Variants in RARS1 observed in about 807,000 individuals in gnomAD.
RARS1 encodes arginine--tRNA ligase, cytoplasmic.
RARS1 carries 75 observed loss-of-function variants against 78.7 expected under a neutral mutation model. The observed-to-expected ratio is 0.95, with a 90% confidence interval of 0.79 to 1.15. The LOEUF is 1.15. RARS1 is among the 50% of genes most tolerant of loss of function. The pLI is 0.00. For synonymous variants in RARS1, 273 were observed against 268.2 expected, an observed-to-expected ratio of 1.02 and a Z score of -0.18; for missense variants, 787 against 787.5, an observed-to-expected ratio of 1.00 and a Z score of 0.01.
intron 9 of RARS1, among the ~76,000 whole-genome samples, chr5:168,502,568 A>ATTTTTT (rs34271397): frequency 8.3e-6 from 1 of 121,190 alleles, no homozygotes; most frequent in Non-Finnish European, 1.7e-5. Flanking sequence ...TGATTCATGA[A>ATTTTTT]TTTTTTTTTT....
At position 168,518,068 on chromosome 5, in the gene RARS1, TGTC is replaced by T; in HGVS notation, c.1873+7_1873+9del. Reference sequence around the variant, plus strand: ...GGAGAAAGATAGACAGACTGGTGAGTGTCTTTTTTTTTTTTTTTTTTTTTTTTA... The same window carrying T: ...GGAGAAAGATAGACAGACTGGTGAGTTTTTTTTTTTTTTTTTTTTTTTTTA... On this transcript the variant is annotated splice_region_variant and intron_variant, in intron 14 of 14. Transcript: ENST00000231572. 3 of 1,405,542 alleles carry T rather than the reference TGTC, an allele frequency of 2.1e-6. No individual in the cohort carries two copies. Among genetic ancestry groups the T allele is most frequent in the Non-Finnish European group, 1.8e-6 (2 of 1,083,534 alleles). 87.1% of individuals were successfully genotyped at this position (1,405,542 alleles called of 1,614,324 possible). A position where few individuals can be genotyped will look rare whatever the true frequency, so the allele number is the denominator to read the frequency against.
intron 7 of RARS1, chr5:168,498,148 T>C (rs1470388765): frequency 2.0e-5 from 3 of 152,062 alleles, no homozygotes; most frequent in African/African-American, 7.2e-5. Flanking sequence ...GGATAATCGC[T>C]TGAGCACAGG....
chr5:168,496,051 A>C (rs1758178307), intron 6 of RARS1, among the ~76,000 whole-genome samples: 2 of 152,154 alleles, frequency 1.3e-5, no homozygotes, highest in South Asian at 4.1e-4. Flanking sequence ...CTGGTTACTT[A>C]CTGTGAAGAA....
chr5:168,518,070 T>TC lies in RARS1; in HGVS notation c.1873+9dup. 7.5e-7 allele frequency: 1 copy of TC among 1,338,298 alleles called. No individual in the cohort carries two copies. The highest frequency in any genetic ancestry group is 1.7e-5 in the South Asian group (1 of 59,362). The allele number at this position is 1,338,298 out of a possible 1,614,324, so 82.9% of individuals were successfully genotyped here. On this transcript the variant is annotated intron_variant, in intron 14 of 14. Coordinates refer to ENST00000231572, the MANE Select transcript of RARS1 (RefSeq NM_002887.4). The stretch of plus-strand genomic sequence containing the variant: ...AGAAAGATAGACAGACTGGTGAGTG[T>TC]CTTTTTTTTTTTTTTTTTTTTTTTT...
rs1195199691 is a variant in RARS1, at chr5:168,493,921, A to T, written c.397A>T (p.Asn133Tyr). 1.9e-6 allele frequency: 3 copies of T among 1,613,082 alleles called. No homozygotes were observed. The East Asian group carries it at 6.7e-5, about 36-fold the overall frequency. The change falls in exon 4 of 15, where the codon AAT becomes TAT. Residue 133 changes from asparagine (N) to tyrosine (Y), a missense_variant. Physicochemically the swap from Asn to Tyr is moderately radical, Grantham distance 143. Transcript: ENST00000231572. ...GCTCAAAACCAAGGAACAGAAAGTT[A>T]ATCCAAGAGAAATTGCTGAAAACAT... ...QMLKTKEQKVNPREIAENITK... is the reference protein window; with the variant it reads ...QMLKTKEQKVYPREIAENITK...
At chr5:168,508,404 C>T (rs756868256) in intron 11 of RARS1, among the ~76,000 whole-genome samples, 16 of 151,036 alleles carry the variant, frequency 1.1e-4, no homozygotes, top group Admixed American at 3.3e-4. Context: ...AGGTGGATCA[C>T]GAGGTGAGGA....
chr5:168,505,663 C>T (rs766231473), intron 9 of RARS1, among the ~76,000 whole-genome samples: 1 of 148,020 alleles, frequency 6.8e-6, no homozygotes, highest in Non-Finnish European at 1.5e-5. Context: ...CACTTGAGCC[C>T]AGGAGTTTGA....
At chr5:168,494,304 C>A (rs1006630312) in intron 4 of RARS1, 3 of 985,212 alleles carry the variant, frequency 3.0e-6, no homozygotes. Flanking sequence ...TGTTAAGAGG[C>A]GAACAGATTG....
At chr5:168,517,573 G>T (rs895586681) in intron 13 of RARS1, among the ~76,000 whole-genome samples, 1 of 152,066 alleles carries the variant, frequency 6.6e-6, no homozygotes, top group African/African-American at 2.4e-5. Context: ...TCTTCTAGAT[G>T]CTCTATGTTT....
intron 9 of RARS1, 30 bp downstream of exon 9, chr5:168,502,135 T>C (rs1276472043): frequency 1.9e-6 from 3 of 1,571,844 alleles, no homozygotes; most frequent in East Asian, 2.3e-5. Flanking sequence ...CTTTTTATTA[T>C]GGAAATTTTC....
At chr5:168,486,692 G>A (rs1226884059) in intron 1 of RARS1, 149 bp downstream of exon 1, 1 of 833,590 alleles carries the variant, frequency 1.2e-6, no homozygotes. Context: ...GGAACAGGAA[G>A]GGTTGAGAGA....
intron 11 of RARS1, among the ~76,000 whole-genome samples, chr5:168,508,047 A>G (rs962607077): frequency 3.9e-5 from 6 of 152,142 alleles, no homozygotes; most frequent in African/African-American, 1.2e-4. Flanking sequence ...AATAACTAAG[A>G]AGACACTAAG....
chr5:168,515,249 G>T (rs1474568435), intron 12 of RARS1, among the ~76,000 whole-genome samples: 1 of 151,896 alleles, frequency 6.6e-6, no homozygotes, highest in African/African-American at 2.4e-5. Flanking sequence ...TGTTTCTGTT[G>T]TCTTGATTCT....
chr5:168,495,968 G>A (rs1280104939), intron 6 of RARS1, among the ~76,000 whole-genome samples: 1 of 152,142 alleles, frequency 6.6e-6, no homozygotes, highest in African/African-American at 2.4e-5. Flanking sequence ...GGGCAACATA[G>A]CAAGAACCTG....
At chr5:168,498,599 G>T (rs966232610) in intron 7 of RARS1, among the ~76,000 whole-genome samples, 4 of 151,998 alleles carry the variant, frequency 2.6e-5, no homozygotes, top group East Asian at 1.9e-4. Flanking sequence ...TCCTTTATTA[G>T]GATTTTTTTC....
intron 8 of RARS1, among the ~76,000 whole-genome samples, chr5:168,501,684 C>T (rs920428274): frequency 6.6e-6 from 1 of 152,126 alleles, no homozygotes; most frequent in Non-Finnish European, 1.5e-5. Context: ...GATCACGCCA[C>T]TGTACTCCAG....
chr5:168,488,661 AG>A lies in RARS1; in HGVS notation c.107del (p.Gly36GlufsTer14). 6.2e-7 allele frequency: 1 copy of A among 1,612,922 alleles called. No homozygotes were observed. Among genetic ancestry groups the A allele is most frequent in the Non-Finnish European group, 8.5e-7 (1 of 1,179,752 alleles). On this transcript the variant is annotated frameshift_variant, in exon 2 of 15. Coordinates refer to ENST00000231572, the MANE Select transcript of RARS1 (RefSeq NM_002887.4). LOFTEE classifies it high-confidence loss of function. Reference sequence around the variant, plus strand: ...ACCGGTTGAAAAACTGTGGCTGTTTAGGAGCTTCTCCAAATTTGGAGCAGTT... The same window carrying A: ...ACCGGTTGAAAAACTGTGGCTGTTTAGAGCTTCTCCAAATTTGGAGCAGTT... ...IDRLKNCGCL[G>X]ASPNLEQLQE...
At chr5:168,516,976 T>A in intron 13 of RARS1, 26 bp downstream of exon 13, 1 of 1,597,094 alleles carries the variant, frequency 6.3e-7, no homozygotes, top group South Asian at 1.1e-5. Flanking sequence ...CATTGTTTTA[T>A]TGTGAATCAA....
At chr5:168,500,386 T>C (rs938855317) in intron 7 of RARS1, among the ~76,000 whole-genome samples, 4 of 152,104 alleles carry the variant, frequency 2.6e-5, no homozygotes, top group Non-Finnish European at 2.9e-5. Flanking sequence ...GGTGAGATTT[T>C]TGTATTTTTT....
Sources: allele counts gnomAD v4.1 joint callset (sites outside exome capture counted in the v4.1 genomes callset), GRCh38; gene constraint gnomAD v4.1.1; transcripts MANE v1.5; gene names NCBI Gene and HGNC (gene_info 2026-07-23, HGNC 2026-07-21).